IRF8: variants seen among roughly 807,000 people sequenced by gnomAD.
IRF8 encodes the protein interferon regulatory factor 8.
A neutral mutation model predicts 48.7 loss-of-function variants in IRF8; 14 were observed. That is an observed-to-expected ratio of 0.29 (90% CI 0.19 to 0.45). The LOEUF is 0.45. Among genes scored for constraint, IRF8 ranks in the 20% least tolerant of loss-of-function variants. The pLI is 1.00. For synonymous variants in IRF8, 278 were observed against 227.3 expected (o/e 1.22, Z -2.01); for missense variants, 493 against 580.7 (o/e 0.85, Z 1.55).
At position 85,905,918 on chromosome 16, in the gene IRF8, G is replaced by A. The variant is rs189664124; in HGVS notation, c.174+2729G>A. 1.7e-4 allele frequency among the ~76,000 whole-genome samples: 26 copies of A among 152,284 alleles called. No individual in the cohort carries two copies. The South Asian group carries it at 2.7e-3, about 16-fold the overall frequency. On this transcript the variant is annotated intron_variant, in intron 2 of 8. Transcript: ENST00000268638. ...TGTCTGCAGGCATCATCCTGAGGCCGGCCTCATGGTATAGATCACAGAAGA... is the reference window on the plus strand; with the variant it reads ...TGTCTGCAGGCATCATCCTGAGGCCAGCCTCATGGTATAGATCACAGAAGA...
intron 8 of IRF8, 95 bp from the exon 9 acceptor site, chr16:85,921,011 T>G (rs1026337788): frequency 9.1e-5 from 114 of 1,254,164 alleles, no homozygotes; most frequent in Non-Finnish European, 1.3e-4. Flanking sequence ...CACGTGGCAC[T>G]GGGGTCATCA....
intron 6 of IRF8, among the ~76,000 whole-genome samples, chr16:85,915,211 C>T (rs1249860479): frequency 6.6e-6 from 1 of 152,252 alleles, no homozygotes; most frequent in Non-Finnish European, 1.5e-5. Flanking sequence ...GGCTGCACTT[C>T]TGCCAGCTGC....
chr16:85,902,651 T>A (rs759358104), intron 1 of IRF8: 28 of 328,572 alleles, frequency 8.5e-5, no homozygotes, highest in Non-Finnish European at 1.5e-4. Flanking sequence ...GTAAAAGTGA[T>A]TCCCCCTCTC....
intron 8 of IRF8, 63 bp from the exon 9 acceptor site, chr16:85,921,043 G>A (rs1905540411): frequency 6.5e-7 from 1 of 1,528,044 alleles, no homozygotes; most frequent in Admixed American, 1.9e-5. Flanking sequence ...TAGGGTCAAA[G>A]ACAGTGCCCA....
chr16:85,921,468 C>T lies in IRF8; in HGVS notation c.*186C>T, dbSNP rs747231087. 32 of 673,146 alleles carry T rather than the reference C, an allele frequency of 4.8e-5. No homozygotes were observed. The highest frequency in any genetic ancestry group is 7.5e-5 in the Non-Finnish European group (29 of 384,276). 41.7% of individuals were successfully genotyped at this position (673,146 alleles called of 1,614,324 possible). ...ATACGAAGTGGCGGCATAGCCCTGCCGAGATGTCGGTGATGGCCTGGATGC... is the reference window on the plus strand; with the variant it reads ...ATACGAAGTGGCGGCATAGCCCTGCTGAGATGTCGGTGATGGCCTGGATGC... On this transcript the variant is annotated 3_prime_UTR_variant, in exon 9 of 9. Transcript: ENST00000268638.
chr16:85,920,407 C>G (rs2143057099), intron 8 of IRF8, among the ~76,000 whole-genome samples, 183 bp downstream of exon 8: 1 of 152,224 alleles, frequency 6.6e-6, no homozygotes, highest in East Asian at 1.9e-4. Context: ...CCACCACGCT[C>G]AGCTAATTTT....
At chr16:85,911,837 A>G (rs1221342438) in intron 4 of IRF8, among the ~76,000 whole-genome samples, 179 bp downstream of exon 4, 1 of 152,164 alleles carries the variant, frequency 6.6e-6, no homozygotes, top group Non-Finnish European at 1.5e-5. Context: ...CCCCCTCCCC[A>G]GGCCAGCTTC....
At chr16:85,918,086 G>A (rs899081743) in intron 6 of IRF8, among the ~76,000 whole-genome samples, 3 of 152,146 alleles carry the variant, frequency 2.0e-5, no homozygotes, top group South Asian at 4.1e-4. Flanking sequence ...ATGAGTTGTC[G>A]AAACATCGTT....
chr16:85,921,117 G>T lies in IRF8; in HGVS notation c.1116G>T (p.Leu372=), dbSNP rs370642229. 1.1e-5 allele frequency: 17 copies of T among 1,613,354 alleles called. No homozygotes were observed. The highest frequency in any genetic ancestry group is 1.4e-5 in the Non-Finnish European group (16 of 1,179,744). Residue 372 remains leucine (L), a synonymous_variant, in exon 9 of 9, where the codon CTG becomes CTT. Transcript: ENST00000268638. The stretch of plus-strand genomic sequence containing the variant: ...CACCTCCCATCTAGATTGAGCAGCT[G>T]TATGTCCGGCAACTGGCAGAAGAGG... The part of the protein sequence containing the change: ...SKLILVQIEQ[L]YVRQLAEEAG...
intron 1 of IRF8, among the ~76,000 whole-genome samples, chr16:85,901,930 T>G (rs1301666677): frequency 7.0e-6 from 1 of 141,952 alleles, no homozygotes; most frequent in East Asian, 1.9e-4. Context: ...AAATGCTATT[T>G]TTTTTTTTTT....
chr16:85,913,338 C>A (rs904459632), intron 5 of IRF8, 102 bp downstream of exon 5: 3 of 840,386 alleles, frequency 3.6e-6, no homozygotes, highest in Non-Finnish European at 4.0e-6. Context: ...CTATCATGAT[C>A]CATGTCTCAT....
rs1905561250 is a variant in IRF8 at position 85,921,366 on chromosome 16, G to A, written c.*84G>A. 7.0e-7 allele frequency: 1 copy of A among 1,425,980 alleles called. No individual in the cohort carries two copies. Among genetic ancestry groups the A allele is most frequent in the Admixed American group, 1.7e-5 (1 of 59,764 alleles). 88.3% of individuals were successfully genotyped at this position (1,425,980 alleles called of 1,614,324 possible). On this transcript the variant is annotated 3_prime_UTR_variant, in exon 9 of 9. Coordinates refer to ENST00000268638, the MANE Select transcript of IRF8 (RefSeq NM_002163.4). ...GGCCCGCATCATGATTAAAGAATGT[G>A]GATCCCTCTGTCTGGGGTGGGATGC...
chr16:85,909,103 G>A lies in IRF8; in HGVS notation c.288G>A (p.Thr96=), dbSNP rs111379528. The A allele has an allele frequency of 2.7e-5, 44 of 1,614,146 alleles. No homozygotes were observed. The highest frequency in any genetic ancestry group is 6.6e-5 in the South Asian group (6 of 91,074). Reference sequence around the variant, plus strand: ...AGAGCCCAGATTTTGAGGAAGTGACGGACCGGTCCCAACTGGACATTTCCG... The same window carrying A: ...AGAGCCCAGATTTTGAGGAAGTGACAGACCGGTCCCAACTGGACATTTCCG... ...LNKSPDFEEV[T]DRSQLDISEP... The change falls in exon 3 of 9, where the codon ACG becomes ACA. Residue 96 remains threonine (T), a synonymous_variant. Coordinates refer to ENST00000268638, the MANE Select transcript of IRF8 (RefSeq NM_002163.4).
At chr16:85,911,189 A>G (rs1167532488) in intron 3 of IRF8, among the ~76,000 whole-genome samples, 1 of 152,248 alleles carries the variant, frequency 6.6e-6, no homozygotes, top group African/African-American at 2.4e-5. Context: ...TTTTGCCAGG[A>G]AATCGGTGAG....
chr16:85,914,139 G>A (rs1353171059), intron 5 of IRF8: 1 of 387,610 alleles, frequency 2.6e-6, no homozygotes, highest in Admixed American at 3.7e-5. Flanking sequence ...TAAGCCCTGG[G>A]TGGTGGGTAT....
At chr16:85,904,330 A>G (rs1343824405) in intron 2 of IRF8, among the ~76,000 whole-genome samples, 2 of 152,186 alleles carry the variant, frequency 1.3e-5, no homozygotes, top group African/African-American at 4.8e-5. Context: ...ACCTGAGACC[A>G]CAAACAAGGT....
intron 6 of IRF8, among the ~76,000 whole-genome samples, chr16:85,916,700 C>T (rs187308640): frequency 1.8e-3 from 275 of 152,232 alleles, no homozygotes; most frequent in African/African-American, 6.0e-3. Context: ...AAAGGGGTGA[C>T]GGAGTTGCCT....
At chr16:85,910,344 A>G (rs1905108991) in intron 3 of IRF8, among the ~76,000 whole-genome samples, 2 of 152,184 alleles carry the variant, frequency 1.3e-5, no homozygotes, top group South Asian at 4.1e-4. Flanking sequence ...AACCCTAGTC[A>G]ATACTAAATA....
intron 6 of IRF8, 199 bp from the exon 7 acceptor site, chr16:85,918,218 C>T: frequency 1.7e-6 from 1 of 602,222 alleles, no homozygotes; most frequent in Non-Finnish European, 2.9e-6. Flanking sequence ...TCATTGGTTT[C>T]CTTAGTCATT....
Sources: gnomAD v4.1 joint callset for allele counts (sites outside exome capture counted in the v4.1 genomes callset) on GRCh38, gnomAD v4.1.1 for gene constraint, MANE v1.5 for transcripts, NCBI Gene and HGNC (gene_info 2026-07-23, HGNC 2026-07-21) for gene names.